MORC1: variants seen among roughly 807,000 people sequenced by gnomAD.
MORC1 encodes MORC family CW-type zinc finger 1, also known as MORC family CW-type zinc finger protein 1.
In MORC1, 59 loss-of-function variants were observed where a neutral mutation model predicts 134.9. That is an observed-to-expected ratio of 0.44 (90% CI 0.35 to 0.54). The LOEUF is 0.54. Ranked by LOEUF, MORC1 falls within the 20% of genes least tolerant of loss-of-function variation. The pLI is 0.00. For missense variants in MORC1, 947 were observed against 1,134.5 expected (o/e 0.83, Z 2.37); for synonymous variants, 395 against 391.7 (o/e 1.01, Z -0.10).
chr3:108,991,295 G>A (rs777747940), intron 21 of MORC1, among the ~76,000 whole-genome samples: 11 of 152,196 alleles, frequency 7.2e-5, no homozygotes, highest in Non-Finnish European at 1.3e-4. Context: ...CTGTAGTCCA[G>A]GTAAGAGATG....
At chr3:108,973,560 T>G (rs1461929646) in intron 24 of MORC1, among the ~76,000 whole-genome samples, 1 of 151,548 alleles carries the variant, frequency 6.6e-6, no homozygotes, top group South Asian at 2.1e-4. Flanking sequence ...TTTTTCTTGG[T>G]GTTTTTTTGT....
chr3:109,107,357 A>G (rs1276105057), intron 3 of MORC1, among the ~76,000 whole-genome samples: 4 of 152,174 alleles, frequency 2.6e-5, no homozygotes, highest in Middle Eastern at 3.2e-3. Flanking sequence ...CCTCAGAGAT[A>G]TAAGGAAAGC....
intron 24 of MORC1, among the ~76,000 whole-genome samples, chr3:108,975,092 T>C (rs1482298746): frequency 6.6e-6 from 1 of 152,228 alleles, no homozygotes; most frequent in African/African-American, 2.4e-5. Flanking sequence ...ACAACTCTAC[T>C]CTTTCTAAAC....
intron 14 of MORC1, among the ~76,000 whole-genome samples, chr3:109,045,171 T>A (rs1300513871): frequency 6.6e-6 from 1 of 152,098 alleles, no homozygotes; most frequent in Non-Finnish European, 1.5e-5. Flanking sequence ...ACCTGGAGAA[T>A]GTTAAATCAG....
chr3:109,016,852 A>C (rs1948826609), intron 17 of MORC1, among the ~76,000 whole-genome samples: 1 of 152,094 alleles, frequency 6.6e-6, no homozygotes, highest in South Asian at 2.1e-4. Flanking sequence ...GTGACAGAGC[A>C]AAACTCCATC....
At position 109,063,647 on chromosome 3, in the gene MORC1, G is replaced by A. The variant is rs543183593; in HGVS notation, c.816-416C>T. Among the ~76,000 whole-genome samples, 5 of 152,284 alleles carry A rather than the reference G, an allele frequency of 3.3e-5. No individual in the cohort carries two copies. The South Asian group carries it at 1.0e-3, about 32-fold the overall frequency. ...CAAAACAATTATCTCTAACTGCGAT[G>A]CTGAGAAACACACATTCATGTATCA... On this transcript the variant is annotated intron_variant, in intron 9 of 27. Coordinates refer to ENST00000232603, the MANE Select transcript of MORC1 (RefSeq NM_014429.4).
intron 9 of MORC1, among the ~76,000 whole-genome samples, chr3:109,064,307 CTGTAT>C (rs1364540118): frequency 6.6e-6 from 1 of 151,984 alleles, no homozygotes; most frequent in African/African-American, 2.4e-5. Flanking sequence ...ATATCTAATT[CTGTAT>C]TGTATAAATT....
At position 109,059,813 on chromosome 3, in the gene MORC1, T is replaced by C; in HGVS notation, c.1024A>G (p.Lys342Glu). 1.9e-6 allele frequency: 3 copies of C among 1,611,994 alleles called. No homozygotes were observed. The highest frequency in any genetic ancestry group is 1.7e-6 in the Non-Finnish European group (2 of 1,178,886). ...VEAKQKNLKE[K>E]QRELKTARTL... ...GAAAACCTTGTGTCTTACCTTTGTTTCTCTTTAAGATTCTTTTGCTTTGCT... is the reference window on the plus strand; with the variant it reads ...GAAAACCTTGTGTCTTACCTTTGTTCCTCTTTAAGATTCTTTTGCTTTGCT... Residue 342 changes from lysine to glutamate, a missense_variant, in exon 12 of 28, where the codon AAA (lysine) becomes GAA (glutamate). Transcript: ENST00000232603.
intron 6 of MORC1, among the ~76,000 whole-genome samples, chr3:109,099,005 C>A (rs111351101): frequency 1.7e-3 from 254 of 152,218 alleles, no homozygotes; most frequent in African/African-American, 4.7e-3. Flanking sequence ...ATTTTGTATT[C>A]CAAGTCTTTG....
At chr3:108,965,524 T>C (rs191175574) in intron 26 of MORC1, among the ~76,000 whole-genome samples, 28 of 152,224 alleles carry the variant, frequency 1.8e-4, no homozygotes, top group Admixed American at 1.4e-3. Context: ...GATATGACTA[T>C]AAAAAGGTAG....
intron 17 of MORC1, among the ~76,000 whole-genome samples, chr3:109,012,665 T>A (rs1054007535): frequency 6.6e-6 from 1 of 152,220 alleles, no homozygotes; most frequent in Admixed American, 6.5e-5. Context: ...GTTCATATAT[T>A]TTAATGCTAT....
At chr3:109,107,301 T>G (rs1334196355) in intron 3 of MORC1, among the ~76,000 whole-genome samples, 2 of 152,192 alleles carry the variant, frequency 1.3e-5, no homozygotes, top group Admixed American at 6.5e-5. Context: ...GTGTATCTAT[T>G]TGTCTTTTGG....
intron 6 of MORC1, among the ~76,000 whole-genome samples, chr3:109,095,476 G>A (rs1950815484): frequency 6.6e-6 from 1 of 152,180 alleles, no homozygotes; most frequent in African/African-American, 2.4e-5. Context: ...CTGATGGCAG[G>A]AGTTAACTCT....
intron 9 of MORC1, among the ~76,000 whole-genome samples, chr3:109,067,829 G>C (rs1440389571): frequency 6.6e-6 from 1 of 152,266 alleles, no homozygotes; most frequent in South Asian, 2.1e-4. Flanking sequence ...CGTGGTCAGG[G>C]AGTATGATGC....
At chr3:109,117,054 A>G (rs962345947) in intron 1 of MORC1, among the ~76,000 whole-genome samples, 2 of 151,826 alleles carry the variant, frequency 1.3e-5, no homozygotes, top group African/African-American at 4.9e-5. Flanking sequence ...AACTCACTCG[A>G]AACTATTATT....
At chr3:109,101,944 T>C (rs1001479448) in intron 4 of MORC1, among the ~76,000 whole-genome samples, 1 of 152,196 alleles carries the variant, frequency 6.6e-6, no homozygotes, top group African/African-American at 2.4e-5. Flanking sequence ...ACACACTACA[T>C]GAACTCACGT....
At chr3:109,063,425 A>T (rs554925892) in intron 9 of MORC1, among the ~76,000 whole-genome samples, 194 bp from the exon 10 acceptor site, 2 of 152,114 alleles carry the variant, frequency 1.3e-5, no homozygotes, top group African/African-American at 4.8e-5. Flanking sequence ...CTACTTAGAA[A>T]TGTTGTTTTT....
At chr3:109,076,137 G>GA (rs1950415971) in intron 8 of MORC1, among the ~76,000 whole-genome samples, 1 of 151,878 alleles carries the variant, frequency 6.6e-6, no homozygotes, top group East Asian at 1.9e-4. Flanking sequence ...AAATTTACTA[G>GA]AAAAAAACAA....
In MORC1 at chr3:109,100,534, G is replaced by A. The variant is rs368080762; in HGVS notation, c.224-27C>T. On this transcript the variant is annotated intron_variant, in intron 4 of 27. Coordinates refer to ENST00000232603, the MANE Select transcript of MORC1 (RefSeq NM_014429.4). ...TGTAATTGACAGTGACTTTTAAGGT[G>A]GTTAGGAAGACTCTTTGACACTGGC... 3.8e-6 allele frequency: 6 copies of A among 1,559,972 alleles called. No homozygotes were observed. In the African/African-American group the frequency reaches 5.4e-5, roughly 14 times the overall value.
Sources: allele counts gnomAD v4.1 joint callset (sites outside exome capture counted in the v4.1 genomes callset), GRCh38; gene constraint gnomAD v4.1.1; transcripts MANE v1.5; gene names NCBI Gene and HGNC (gene_info 2026-07-23, HGNC 2026-07-21).